The following ELAPOR2 variants were observed in gnomAD, a reference collection of about 807,000 sequenced individuals.
The protein encoded by ELAPOR2 is endosome/lysosome-associated apoptosis and autophagy regulator family member 2.
ELAPOR2 carries 89 observed loss-of-function variants against 120.7 expected under a neutral mutation model. The observed-to-expected ratio is 0.74, with a 90% CI of 0.62 to 0.88. The LOEUF is 0.88. ELAPOR2 is among the 40% of genes least tolerant of loss of function. The pLI, the probability that ELAPOR2 is intolerant of heterozygous loss-of-function variation, is 0.00. For synonymous variants in ELAPOR2, 444 were observed against 444.9 expected, an observed-to-expected ratio of 1.00 and a Z score of 0.03; for missense variants, 1,134 against 1,251.6, an observed-to-expected ratio of 0.91 and a Z score of 1.42.
chr7:87,045,460 G>A (rs1794921765), intron 1 of ELAPOR2, among the ~76,000 whole-genome samples: 1 of 151,260 alleles, frequency 6.6e-6, no homozygotes. Flanking sequence ...CCTTTGTAGG[G>A]ACATGGATGA....
chr7:86,971,148 C>T (rs1257262455), intron 1 of ELAPOR2, among the ~76,000 whole-genome samples: 2 of 152,078 alleles, frequency 1.3e-5, no homozygotes, highest in African/African-American at 2.4e-5. Context: ...AACCTAGATC[C>T]CAACCTCACC....
chr7:86,891,886 C>T lies in ELAPOR2; in HGVS notation c.2868G>A (p.Leu956=), dbSNP rs1275455261. The T allele has an allele frequency of 6.3e-7, 1 of 1,584,582 alleles. No individual in the cohort carries two copies. The highest frequency in any genetic ancestry group is 2.3e-5 in the East Asian group (1 of 44,236). ...TCYFWKKNQK[L]EYKYSKLVMT... is the part of the protein sequence containing the mutation. ...TTACTAACTTGGAATATTTGTATTC[C>T]AGTCTAAATAGTGATAAAATAAATA... is the stretch of plus-strand genomic sequence containing the variant. The change falls in exon 21 of 22, where the codon CTG becomes CTA. Residue 956 remains leucine (L), a synonymous_variant. Transcript: ENST00000450689.
At chr7:87,037,134 C>A (rs762482762) in intron 1 of ELAPOR2, among the ~76,000 whole-genome samples, 7 of 151,988 alleles carry the variant, frequency 4.6e-5, no homozygotes, top group Non-Finnish European at 1.0e-4. Flanking sequence ...TTTCCCTAAG[C>A]ACTCTCCTCA....
intron 19 of ELAPOR2, among the ~76,000 whole-genome samples, chr7:86,893,662 C>T (rs979480440): frequency 2.0e-5 from 3 of 151,994 alleles, no homozygotes; most frequent in African/African-American, 7.2e-5. Context: ...AGTCTACACC[C>T]TTCTTCCCCA....
chr7:87,012,008 T>C (rs1037518924), intron 1 of ELAPOR2, among the ~76,000 whole-genome samples: 1 of 152,206 alleles, frequency 6.6e-6, no homozygotes, highest in Non-Finnish European at 1.5e-5. Context: ...ACAGTAACAA[T>C]ATAAAAATAT....
At chr7:86,957,570 C>A (rs1791527996) in intron 2 of ELAPOR2, among the ~76,000 whole-genome samples, 1 of 152,038 alleles carries the variant, frequency 6.6e-6, no homozygotes, top group Admixed American at 6.5e-5. Flanking sequence ...TATCAAGTAC[C>A]AAACAATATG....
At chr7:86,926,449 T>C (rs1007925970) in intron 9 of ELAPOR2, among the ~76,000 whole-genome samples, 1 of 151,948 alleles carries the variant, frequency 6.6e-6, no homozygotes, top group Non-Finnish European at 1.5e-5. Flanking sequence ...CTTGGATAAA[T>C]CACACTATTG....
chr7:86,880,902 GACTA>G (rs1332411060), intron 21 of ELAPOR2, among the ~76,000 whole-genome samples: 1 of 151,614 alleles, frequency 6.6e-6, no homozygotes, highest in African/African-American at 2.4e-5. Flanking sequence ...AAACAGAACT[GACTA>G]AATATTTTCA....
At chr7:87,059,182 A>C (rs574387624) in intron 1 of ELAPOR2, 143 bp downstream of exon 1, 2 of 1,166,938 alleles carry the variant, frequency 1.7e-6, no homozygotes, top group South Asian at 4.5e-5. Flanking sequence ...GGGCAACTTC[A>C]CCCCTCGAAG....
chr7:86,891,752 A>G lies in ELAPOR2; in HGVS notation c.3002T>C (p.Leu1001Pro), dbSNP rs1244725984. ...GGTTGCCAAAGATTTGAGTTTTCCT[A>G]GTAGTGACTGTTTATTGGAATATAC... ...EVVYSNKQSL[L>P]GKLKSLATKE... The change falls in exon 21 of 22, where the codon CTA (leucine) becomes CCA (proline). Residue 1001 changes from leucine to proline, a missense_variant. This residue lies in a region of ELAPOR2 where 831 missense variants were observed against 867.6 expected (regional missense o/e 0.96). Coordinates refer to ENST00000450689, the MANE Select transcript of ELAPOR2 (RefSeq NM_001142749.3). The G allele has an allele frequency of 1.2e-6, 2 of 1,611,350 alleles. No homozygotes were observed. The highest frequency in any genetic ancestry group is 3.3e-5 in the Admixed American group (2 of 59,738).
chr7:87,019,097 A>G (rs1793958484), intron 1 of ELAPOR2, among the ~76,000 whole-genome samples: 1 of 152,218 alleles, frequency 6.6e-6, no homozygotes, highest in African/African-American at 2.4e-5. Flanking sequence ...TAAGACAAAC[A>G]GCAACATAGA....
intron 1 of ELAPOR2, among the ~76,000 whole-genome samples, chr7:87,037,126 T>G (rs1794613278): frequency 6.6e-6 from 1 of 151,986 alleles, no homozygotes; most frequent in Non-Finnish European, 1.5e-5. Context: ...TGCTGTTGTT[T>G]CCCTAAGCAC....
At chr7:86,930,306 AATTTT>A (rs1435477850) in intron 8 of ELAPOR2, among the ~76,000 whole-genome samples, 1 of 151,944 alleles carries the variant, frequency 6.6e-6, no homozygotes, top group African/African-American at 2.4e-5. Context: ...CTATTAGAAA[AATTTT>A]ATTTTAAACA....
intron 8 of ELAPOR2, among the ~76,000 whole-genome samples, chr7:86,935,461 T>C (rs1051028266): frequency 1.8e-4 from 27 of 152,074 alleles, no homozygotes; most frequent in African/African-American, 6.5e-4. Context: ...TTCAAACTTC[T>C]CTGCTGTAGC....
chr7:86,998,459 A>T (rs982475009), intron 1 of ELAPOR2, among the ~76,000 whole-genome samples: 1 of 152,174 alleles, frequency 6.6e-6, no homozygotes, highest in Non-Finnish European at 1.5e-5. Context: ...TGGAGCTAAA[A>T]TTCAAATCCA....
chr7:86,972,129 C>G (rs1384905955), intron 1 of ELAPOR2, among the ~76,000 whole-genome samples: 1 of 152,084 alleles, frequency 6.6e-6, no homozygotes, highest in Non-Finnish European at 1.5e-5. Context: ...GGCCAGAAAC[C>G]ACCACCCCAC....
At chr7:86,901,060 A>C (rs1262054635) in intron 18 of ELAPOR2, among the ~76,000 whole-genome samples, 4 of 152,204 alleles carry the variant, frequency 2.6e-5, no homozygotes, top group Non-Finnish European at 4.4e-5. Context: ...TGCAATCACC[A>C]TAGGAACCAG....
At chr7:86,885,559 G>C (rs973399019) in intron 21 of ELAPOR2, among the ~76,000 whole-genome samples, 1 of 152,044 alleles carries the variant, frequency 6.6e-6, no homozygotes, top group Non-Finnish European at 1.5e-5. Context: ...TTAGAAAGGG[G>C]ACTAAAGTTT....
chr7:86,997,443 A>C (rs1793162386), intron 1 of ELAPOR2, among the ~76,000 whole-genome samples: 1 of 152,162 alleles, frequency 6.6e-6, no homozygotes, highest in African/African-American at 2.4e-5. Flanking sequence ...TACCAGACCT[A>C]AAGAGCCCCA....
Sources: gnomAD v4.1 joint callset for allele counts (sites outside exome capture counted in the v4.1 genomes callset) on GRCh38, gnomAD v4.1.1 for gene constraint, gnomAD v4.1.1 regional missense constraint, MANE v1.5 for transcripts, NCBI Gene and HGNC (gene_info 2026-07-23, HGNC 2026-07-21) for gene names.